ESRRG: variants seen among roughly 807,000 people sequenced by gnomAD.
ESRRG encodes the protein estrogen-related receptor gamma.
In ESRRG, 13 loss-of-function variants were observed where a neutral mutation model predicts 44.0. That is an observed-to-expected ratio of 0.30 (90% CI 0.19 to 0.47). The LOEUF is 0.47. Among genes scored for constraint, ESRRG ranks in the 20% least tolerant of loss-of-function variants. The pLI, the probability that ESRRG is intolerant of heterozygous loss-of-function variation, is 1.00. For missense variants in ESRRG, 395 were observed against 580.6 expected, an observed-to-expected ratio of 0.68 and a Z score of 3.29; for synonymous variants, 215 against 214.6, an observed-to-expected ratio of 1.00 and a Z score of -0.02.
At chr1:216,600,259 G>A (rs2059020734) in intron 3 of ESRRG, among the ~76,000 whole-genome samples, 1 of 152,156 alleles carries the variant, frequency 6.6e-6, no homozygotes. Context: ...TACTATAATG[G>A]TAGATACGTG....
intron 3 of ESRRG, among the ~76,000 whole-genome samples, chr1:216,630,689 CT>C (rs2064008147): frequency 6.6e-6 from 1 of 152,182 alleles, no homozygotes; most frequent in Non-Finnish European, 1.5e-5. Context: ...CAACCACAGT[CT>C]TTTCAACAGC....
At chr1:216,576,894 A>G (rs2061777377) in intron 3 of ESRRG, among the ~76,000 whole-genome samples, 1 of 152,186 alleles carries the variant, frequency 6.6e-6, no homozygotes, top group African/African-American at 2.4e-5. Flanking sequence ...GTGAATGGAA[A>G]TAAATGAGTC....
intron 2 of ESRRG, among the ~76,000 whole-genome samples, chr1:216,659,016 G>A (rs1227669659): frequency 5.9e-5 from 9 of 152,138 alleles, no homozygotes; most frequent in Admixed American, 2.6e-4. Context: ...AGTTGCCTTT[G>A]TTACCCTCAG....
chr1:216,749,313 C>T (rs531904925), intron 2 of ESRRG, among the ~76,000 whole-genome samples: 1 of 152,112 alleles, frequency 6.6e-6, no homozygotes, highest in Admixed American at 6.5e-5. Context: ...AAGACCATAC[C>T]GACGGCACCT....
At chr1:216,655,597 C>A (rs1036472519) in intron 2 of ESRRG, among the ~76,000 whole-genome samples, 2 of 152,148 alleles carry the variant, frequency 1.3e-5, no homozygotes, top group Non-Finnish European at 2.9e-5. Flanking sequence ...ATAGTTTCAG[C>A]TGAAGTGTAT....
chr1:216,871,057 A>G (rs536536649), intron 2 of ESRRG, among the ~76,000 whole-genome samples: 2 of 151,646 alleles, frequency 1.3e-5, no homozygotes, highest in African/African-American at 4.8e-5. Flanking sequence ...TTCTTTTTCT[A>G]TTTTATTAAG....
chr1:216,972,690 G>A (rs1184629538), intron 1 of ESRRG, among the ~76,000 whole-genome samples: 1 of 152,120 alleles, frequency 6.6e-6, no homozygotes, highest in Admixed American at 6.6e-5. Flanking sequence ...TGTCTGCTCT[G>A]CCAATGACTG....
intron 3 of ESRRG, among the ~76,000 whole-genome samples, chr1:216,573,391 T>G (rs1039074488): frequency 5.3e-5 from 8 of 152,000 alleles, no homozygotes; most frequent in Non-Finnish European, 7.4e-5. Flanking sequence ...AAATATAAGA[T>G]GGATGTAAAG....
chr1:216,801,397 A>G (rs924974108), intron 2 of ESRRG, among the ~76,000 whole-genome samples: 39 of 152,144 alleles, frequency 2.6e-4, no homozygotes, highest in African/African-American at 7.2e-4. Flanking sequence ...CCTGTGACCT[A>G]CTACTACCTA....
chr1:217,092,461 G>T (rs1438657598), upstream of ESRRG, among the ~76,000 whole-genome samples: 1 of 152,194 alleles, frequency 6.6e-6, no homozygotes, highest in Non-Finnish European at 1.5e-5. Context: ...GCACAGAGAA[G>T]TTGAGTAATT....
chr1:216,562,233 A>G (rs1162298075), intron 5 of ESRRG, among the ~76,000 whole-genome samples: 1 of 152,188 alleles, frequency 6.6e-6, no homozygotes, highest in Non-Finnish European at 1.5e-5. Flanking sequence ...TTGGAACCAT[A>G]GTGACACAGC....
At chr1:216,761,162 T>TA (rs200782490) in intron 2 of ESRRG, among the ~76,000 whole-genome samples, 37,036 of 147,172 alleles carry the variant, frequency 0.25, 5,724 homozygotes, top group East Asian at 0.44. Context: ...ACTACACAAA[T>TA]AAAAAAAAAA....
intron 1 of ESRRG, among the ~76,000 whole-genome samples, chr1:216,958,030 T>C (rs1338151889): frequency 1.4e-5 from 1 of 73,000 alleles, no homozygotes; most frequent in Non-Finnish European, 4.6e-5. Context: ...TGGAAACGTA[T>C]AGTACGCACC....
At position 216,506,497 on chromosome 1, in the gene ESRRG, A is replaced by G; in HGVS notation, c.*442T>C. On this transcript the variant is annotated 3_prime_UTR_variant, in exon 7 of 7. Coordinates refer to ENST00000408911, the MANE Select transcript of ESRRG (RefSeq NM_001438.4). ...AAAGGGAAAAAGGAAAGAAAGGGAAAGGAAAGGGGGAAGGGAGGATTTTTT... is the reference window on the plus strand; with the variant it reads ...AAAGGGAAAAAGGAAAGAAAGGGAAGGGAAAGGGGGAAGGGAGGATTTTTT... The G allele has an allele frequency of 2.7e-6, 1 of 366,800 alleles. No individual in the cohort carries two copies. Among genetic ancestry groups the G allele is most frequent in the Non-Finnish European group, 5.3e-6 (1 of 189,432 alleles). 22.7% of individuals were successfully genotyped at this position (366,800 alleles called of 1,614,324 possible). A position where few individuals can be genotyped will look rare whatever the true frequency, so the allele number is the denominator to read the frequency against.
intron 1 of ESRRG, among the ~76,000 whole-genome samples, chr1:217,135,513 G>A (rs1027541659): frequency 2.0e-5 from 3 of 149,516 alleles, no homozygotes; most frequent in Non-Finnish European, 4.4e-5. Context: ...CAAGGACTGA[G>A]CAAGGGGCGC....
chr1:216,755,868 G>T (rs941039618), intron 2 of ESRRG, among the ~76,000 whole-genome samples: 1 of 152,024 alleles, frequency 6.6e-6, no homozygotes, highest in Non-Finnish European at 1.5e-5. Flanking sequence ...GCTAATGATT[G>T]TAGTTAAATA....
intron 2 of ESRRG, among the ~76,000 whole-genome samples, chr1:216,830,944 T>C (rs980820622): frequency 2.0e-5 from 3 of 151,826 alleles, no homozygotes; most frequent in African/African-American, 7.3e-5. Flanking sequence ...CTGGGCGTGC[T>C]CTCACCTCCT....
intron 3 of ESRRG, among the ~76,000 whole-genome samples, chr1:216,606,311 G>T (rs926024761): frequency 6.6e-6 from 1 of 152,146 alleles, no homozygotes; most frequent in Non-Finnish European, 1.5e-5. Context: ...ATTTACAGAT[G>T]CCCCAACTCA....
chr1:217,096,509 G>A (rs963008963), intron 1 of ESRRG, among the ~76,000 whole-genome samples: 2 of 152,106 alleles, frequency 1.3e-5, no homozygotes, highest in Non-Finnish European at 2.9e-5. Context: ...CCAGAACCTG[G>A]ATTTCCTCTT....
Sources: gnomAD v4.1 joint callset for allele counts (sites outside exome capture counted in the v4.1 genomes callset) on GRCh38, gnomAD v4.1.1 for gene constraint, MANE v1.5 for transcripts, NCBI Gene and HGNC (gene_info 2026-07-23, HGNC 2026-07-21) for gene names.